AVEN: variants seen among roughly 807,000 people sequenced by gnomAD.
AVEN encodes cell death regulator Aven.
AVEN carries 41 observed loss-of-function variants against 38.1 expected under a neutral mutation model. The observed-to-expected ratio is 1.08, with a 90% CI of 0.84 to 1.40. The LOEUF is 1.40. AVEN is among the 40% of genes most tolerant of loss of function. The pLI is 0.00. For missense variants in AVEN, 605 were observed against 438.8 expected (o/e 1.38, Z -3.38); for synonymous variants, 206 against 171.8 (o/e 1.20, Z -1.56).
At chr15:33,915,867 C>T (rs969247989) in intron 2 of AVEN, among the ~76,000 whole-genome samples, 1 of 152,142 alleles carries the variant, frequency 6.6e-6, no homozygotes, top group African/African-American at 2.4e-5. Flanking sequence ...ATGAGACTGG[C>T]CTTTTGGGCA....
intron 3 of AVEN, among the ~76,000 whole-genome samples, chr15:33,874,013 T>C (rs534884395): frequency 2.0e-5 from 3 of 152,104 alleles, no homozygotes; most frequent in Non-Finnish European, 4.4e-5. Context: ...TTTCCCTGCC[T>C]CTAACCTCTC....
At chr15:33,983,200 G>GTA (rs769965010) in intron 2 of AVEN, among the ~76,000 whole-genome samples, 2,865 of 63,858 alleles carry the variant, frequency 0.045, 112 homozygotes, top group African/African-American at 0.15. Context: ...GTATGTGTGT[G>GTA]TATATATATA....
rs112381581 is a variant in AVEN, at chr15:34,038,293, G to T, written c.267+487C>A. 8.2e-3 allele frequency among the ~76,000 whole-genome samples: 1,253 copies of T among 152,208 alleles called. 7 individuals carry two copies. Among genetic ancestry groups the T allele is most frequent in the Non-Finnish European group, 0.01 (688 of 68,014 alleles). On this transcript the variant is annotated intron_variant, in intron 1 of 5. Coordinates refer to ENST00000306730, the MANE Select transcript of AVEN (RefSeq NM_020371.3). The stretch of plus-strand genomic sequence containing the variant: ...TCACTCAACAAACTTTTTATTATGC[G>T]CCTACTGTGTACTAGGCATTGCACA...
In AVEN at chr15:34,073,094, G is replaced by A. The variant is rs1432524206; in HGVS notation, n.720+1342C>T. 4.0e-5 allele frequency among the ~76,000 whole-genome samples: 6 copies of A among 150,660 alleles called. No homozygotes were observed. The East Asian group carries it at 1.2e-3, about 30-fold the overall frequency. Reference sequence around the variant, plus strand: ...CTCGCTCTGTCGCCCAGGCTGGAGTGCAGTGGCACGATCTCGACTCACTGC... The same window carrying A: ...CTCGCTCTGTCGCCCAGGCTGGAGTACAGTGGCACGATCTCGACTCACTGC... On this transcript the variant is annotated intron_variant and non_coding_transcript_variant, in intron 1 of 11. Coordinates refer to the AVEN transcript ENST00000675287.
intron 1 of AVEN, among the ~76,000 whole-genome samples, chr15:34,011,475 A>G (rs1883780048): frequency 6.6e-6 from 1 of 152,226 alleles, no homozygotes; most frequent in Non-Finnish European, 1.5e-5. Context: ...GTACATAATA[A>G]TAAATAATTG....
intron 2 of AVEN, among the ~76,000 whole-genome samples, chr15:34,000,939 G>C (rs1897114206): frequency 6.6e-6 from 1 of 151,898 alleles, no homozygotes; most frequent in African/African-American, 2.4e-5. Flanking sequence ...ATCCATGCCA[G>C]GTTTTTAATT....
Position 34,063,237 on chromosome 15 carries a change from G to C in AVEN, n.1322C>G. Reference sequence around the variant, plus strand: ...AATCCTCTGCTGGCAGTACTTGGTTGGGAAGCGGACAGTTCCACTGGATGA... The same window carrying C: ...AATCCTCTGCTGGCAGTACTTGGTTCGGAAGCGGACAGTTCCACTGGATGA... On this transcript the variant is annotated non_coding_transcript_exon_variant, in exon 5 of 12. Coordinates refer to the AVEN transcript ENST00000675287. The surrounding 1 kb of genome is among the most constrained non-coding windows in gnomAD (Gnocchi z 4.1). 6.2e-7 allele frequency: 1 copy of C among 1,614,176 alleles called. No homozygotes were observed. The highest frequency in any genetic ancestry group is 2.2e-5 in the East Asian group (1 of 44,866).
chr15:33,933,150 C>T (rs1436611668), intron 2 of AVEN, among the ~76,000 whole-genome samples: 1 of 152,060 alleles, frequency 6.6e-6, no homozygotes, highest in East Asian at 1.9e-4. Context: ...AAAGAATGTC[C>T]CTCCTCACAC....
chr15:33,933,631 C>T (rs142282842), intron 2 of AVEN, among the ~76,000 whole-genome samples: 36 of 151,996 alleles, frequency 2.4e-4, no homozygotes, highest in African/African-American at 7.7e-4. Flanking sequence ...CTCATACCCA[C>T]GCACCATGCT....
At chr15:33,861,982 G>T (rs1263500640), downstream of AVEN, among the ~76,000 whole-genome samples, 1 of 151,980 alleles carries the variant, frequency 6.6e-6, no homozygotes, top group East Asian at 1.9e-4. Flanking sequence ...CAACTAATAA[G>T]TGTTTCACTT....
At chr15:33,866,081 A>AATAAAGTAAT (rs1240470816), downstream of AVEN, 1 of 156,918 alleles carries the variant, frequency 6.4e-6, no homozygotes, top group East Asian at 1.9e-4. Flanking sequence ...TGCCCACTGC[A>AATAAAGTAAT]ATAAAGTAAT....
chr15:34,002,339 A>G (rs974592768), intron 2 of AVEN, among the ~76,000 whole-genome samples: 4 of 151,766 alleles, frequency 2.6e-5, no homozygotes, highest in African/African-American at 9.7e-5. Flanking sequence ...CCCATCCCCA[A>G]CACCTGGAAA....
chr15:34,074,117 C>A (rs2140860249), intron 1 of AVEN, among the ~76,000 whole-genome samples: 1 of 149,676 alleles, frequency 6.7e-6, no homozygotes, highest in Non-Finnish European at 1.5e-5. Context: ...CATGCCTCAG[C>A]CTTCTGAGTA....
intron 1 of AVEN, among the ~76,000 whole-genome samples, chr15:34,009,018 C>T (rs1897513028): frequency 6.6e-6 from 1 of 150,448 alleles, no homozygotes; most frequent in South Asian, 2.1e-4. Context: ...AAGGAAAAAC[C>T]AACTCATCAC....
chr15:33,951,168 G>A (rs1894727079), intron 2 of AVEN, among the ~76,000 whole-genome samples: 1 of 152,174 alleles, frequency 6.6e-6, no homozygotes, highest in South Asian at 2.1e-4. Context: ...TAAAAAGCCT[G>A]TGTAGCATTC....
intron 2 of AVEN, among the ~76,000 whole-genome samples, chr15:33,942,552 G>A (rs1011425349): frequency 7.2e-5 from 11 of 151,904 alleles, no homozygotes; most frequent in East Asian, 1.9e-4. Flanking sequence ...CCGGATTCAC[G>A]CCATTCTCCT....
chr15:33,860,606 G>T, intron 11 of AVEN: 1 of 1,585,978 alleles, frequency 6.3e-7, no homozygotes, highest in Non-Finnish European at 8.6e-7. Flanking sequence ...TCTTATTATT[G>T]ATGCTTTCGG....
chr15:33,911,177 A>G (rs543415276), intron 2 of AVEN, among the ~76,000 whole-genome samples: 1 of 152,328 alleles, frequency 6.6e-6, no homozygotes, highest in Admixed American at 6.5e-5. Context: ...CACTCACAGT[A>G]TCAAAACCAC....
At chr15:33,853,101 G>T in the AVEN span, 1 of 1,579,764 alleles carries the variant, frequency 6.3e-7, no homozygotes, top group Non-Finnish European at 8.6e-7. Flanking sequence ...TGCCTTGTTA[G>T]TGGGGGTGAG....
Sources: gnomAD v4.1 joint callset for allele counts (sites outside exome capture counted in the v4.1 genomes callset) on GRCh38, gnomAD v4.1.1 for gene constraint, Gnocchi (gnomAD v3.1) non-coding constraint, MANE v1.5 for transcripts, NCBI Gene and HGNC (gene_info 2026-07-23, HGNC 2026-07-21) for gene names.